The following ARL10 variants were observed in gnomAD, a reference collection of about 807,000 sequenced individuals.
ARL10 encodes the protein ARF like GTPase 10.
ARL10 carries 23 observed loss-of-function variants against 26.1 expected under a neutral mutation model. That is an observed-to-expected ratio of 0.88 (90% confidence interval 0.63 to 1.25). The LOEUF is 1.25. Among genes scored for constraint, ARL10 ranks in the 50% most tolerant of loss-of-function variants. The pLI is 0.00. For missense variants in ARL10, 300 were observed against 323.6 expected, an observed-to-expected ratio of 0.93 and a Z score of 0.56; for synonymous variants, 138 against 149.1, an observed-to-expected ratio of 0.93 and a Z score of 0.54.
the ARL10 span, among the ~76,000 whole-genome samples, chr5:176,412,141 A>C: frequency 6.9e-6 from 1 of 145,456 alleles, no homozygotes; most frequent in East Asian, 2.0e-4. Context: ...CCGCCACTGC[A>C]CTCCAGCCTG....
intron 1 of ARL10, chr5:176,386,998 A>AT: frequency 3.5e-6 from 4 of 1,137,050 alleles, no homozygotes; most frequent in Non-Finnish European, 4.0e-6. Flanking sequence ...CTACTAACCC[A>AT]TAAGAATCCC....
intron 2 of ARL10, among the ~76,000 whole-genome samples, chr5:176,367,153 G>A (rs1201120109): frequency 6.6e-6 from 1 of 151,776 alleles, no homozygotes; most frequent in African/African-American, 2.4e-5. Flanking sequence ...GATTACAGGC[G>A]CCCGCCACCA....
chr5:176,404,825 T>C (rs1757026013), downstream of ARL10, among the ~76,000 whole-genome samples: 1 of 152,180 alleles, frequency 6.6e-6, no homozygotes, highest in Admixed American at 6.5e-5. Context: ...GCACATGCTC[T>C]TCCCTTGGCC....
Position 176,373,196 on chromosome 5 carries a change from G to A in ARL10, c.*1301G>A, listed in dbSNP as rs746901210. The A allele has an allele frequency of 1.0e-5, 4 of 396,432 alleles. No homozygotes were observed. The highest frequency in any genetic ancestry group is 8.9e-6 in the Non-Finnish European group (2 of 225,218). The allele number at this position is 396,432 out of a possible 1,614,324, so 24.6% of individuals were successfully genotyped here. ...GACAGGAATAGCAGACCAGCCAACG[G>A]GATGGCCTTGGGTACATCACTCAGC... On this transcript the variant is annotated 3_prime_UTR_variant, in exon 4 of 4. Coordinates refer to ENST00000310389, the MANE Select transcript of ARL10 (RefSeq NM_173664.6).
At chr5:176,365,888 G>A (rs1041530641) in intron 1 of ARL10, 142 bp downstream of exon 1, 5 of 941,200 alleles carry the variant, frequency 5.3e-6, no homozygotes, top group Non-Finnish European at 6.9e-6. Flanking sequence ...GCAGCGCACA[G>A]GCCCCGCGCG....
At chr5:176,389,298 T>A (rs372552638), downstream of ARL10, 1 of 1,595,812 alleles carries the variant, frequency 6.3e-7, no homozygotes, top group African/African-American at 1.3e-5. Flanking sequence ...GGGCCCGACC[T>A]GCTGTTTCCC....
At chr5:176,410,011 C>T in the ARL10 span, among the ~76,000 whole-genome samples, 1 of 152,198 alleles carries the variant, frequency 6.6e-6, no homozygotes, top group Non-Finnish European at 1.5e-5. Flanking sequence ...CTCCCAAAAC[C>T]AGACATCACC....
At chr5:176,388,893 G>A (rs202183260), downstream of ARL10, 61 of 1,614,064 alleles carry the variant, frequency 3.8e-5, no homozygotes, top group Middle Eastern at 1.6e-4. Context: ...GAGGGGCTGA[G>A]CCCCACTGTT....
At position 176,371,965 on chromosome 5, in the gene ARL10, C is replaced by T; in HGVS notation, c.*70C>T. 1.9e-6 allele frequency: 3 copies of T among 1,550,490 alleles called. No individual in the cohort carries two copies. The South Asian group carries it at 3.6e-5, about 19-fold the overall frequency. ...GTACTGCTGCTGCTTCATTGCCAGA[C>T]TGGGCCTGGGGCAAGAGCCACATGG... On this transcript the variant is annotated 3_prime_UTR_variant, in exon 4 of 4. Coordinates refer to ENST00000310389, the MANE Select transcript of ARL10 (RefSeq NM_173664.6).
At chr5:176,399,082 G>C (rs1044592478) in intron 1 of ARL10, among the ~76,000 whole-genome samples, 1 of 152,090 alleles carries the variant, frequency 6.6e-6, no homozygotes, top group African/African-American at 2.4e-5. Flanking sequence ...GACCTCAGGT[G>C]ATCCACCGGC....
chr5:176,372,065 TC>T lies in ARL10; in HGVS notation c.*172del. 7.0e-7 allele frequency: 1 copy of T among 1,431,266 alleles called. No individual in the cohort carries two copies. Among genetic ancestry groups the T allele is most frequent in the Non-Finnish European group, 9.1e-7 (1 of 1,094,934 alleles). 88.7% of individuals were successfully genotyped at this position (1,431,266 alleles called of 1,614,324 possible). On this transcript the variant is annotated 3_prime_UTR_variant, in exon 4 of 4. Transcript: ENST00000310389. ...AAGGCCAAGAACCATGCAGAAGCCTTCCTGGTGAGGTGGCCGTGAAGCCGAA... is the reference window on the plus strand; with the variant it reads ...AAGGCCAAGAACCATGCAGAAGCCTTCTGGTGAGGTGGCCGTGAAGCCGAA...
chr5:176,406,678 T>C, downstream of ARL10: 1 of 1,288,590 alleles, frequency 7.8e-7, no homozygotes, highest in East Asian at 5.6e-5. Flanking sequence ...GGCAACTGGG[T>C]TTGTAGCTGG....
rs1214399081 is a variant in ARL10 at position 176,378,102 on chromosome 5, G to T, written c.*6207G>T. Reference sequence around the variant, plus strand: ...AACAATAGAAGTTTCAAGGGCTCAGGAAGGACCAGGGGGCCATCTAGGCTC... The same window carrying T: ...AACAATAGAAGTTTCAAGGGCTCAGTAAGGACCAGGGGGCCATCTAGGCTC... On this transcript the variant is annotated 3_prime_UTR_variant, in exon 4 of 4. Coordinates refer to ENST00000310389, the MANE Select transcript of ARL10 (RefSeq NM_173664.6). The T allele has an allele frequency of 6.6e-6, 1 of 152,246 alleles. No individual in the cohort carries two copies. The highest frequency in any genetic ancestry group is 1.5e-5 in the Non-Finnish European group (1 of 68,048). 9.4% of individuals were successfully genotyped at this position (152,246 alleles called of 1,614,324 possible).
intron 3 of ARL10, among the ~76,000 whole-genome samples, chr5:176,369,646 G>T (rs1056745651): frequency 2.6e-5 from 4 of 152,078 alleles, no homozygotes; most frequent in Non-Finnish European, 5.9e-5. Context: ...TCTTTCCAAG[G>T]TTGTACATCT....
rs1320264891 is a variant in ARL10, at chr5:176,375,365, A to G, written c.*3470A>G. On this transcript the variant is annotated 3_prime_UTR_variant, in exon 4 of 4. Transcript: ENST00000310389. ...CACCCATCCATCCATCCATCCATCC[A>G]TCTGTGGCTTCTACCTGTGCGAATC... is the stretch of plus-strand genomic sequence containing the variant. 6.8e-6 allele frequency: 1 copy of G among 147,172 alleles called. No individual in the cohort carries two copies. Among genetic ancestry groups the G allele is most frequent in the Non-Finnish European group, 1.5e-5 (1 of 66,882 alleles). 9.1% of individuals were successfully genotyped at this position (147,172 alleles called of 1,614,324 possible).
At chr5:176,384,340 T>C (rs1480617288), downstream of ARL10, 1 of 1,614,168 alleles carries the variant, frequency 6.2e-7, no homozygotes, top group Admixed American at 1.7e-5. Flanking sequence ...TTTTGGGGTA[T>C]CTTGATAGTA....
At chr5:176,406,410 G>C, downstream of ARL10, 2 of 1,162,670 alleles carry the variant, frequency 1.7e-6, no homozygotes, top group Non-Finnish European at 2.2e-6. Context: ...CACCAGCCAA[G>C]CGTGTGCTGC....
In ARL10 at chr5:176,366,420, T is replaced by C; in HGVS notation, c.224T>C (p.Leu75Pro). ...EEDEEPALEE[L>P]EQREVLVLGL... The stretch of plus-strand genomic sequence containing the variant: ...GACGAGGAGCCGGCGCTGGAGGAGC[T>C]GGAACAGCGCGAGGTGCTGGTGCTG... Residue 75 changes from leucine to proline, a missense_variant, in exon 2 of 4, where the codon CTG (leucine) becomes CCG (proline). By Grantham distance (98) the Leu-to-Pro change is moderately conservative (BLOSUM62 -3). Coordinates refer to ENST00000310389, the MANE Select transcript of ARL10 (RefSeq NM_173664.6). 1 of 1,612,456 alleles carries C rather than the reference T, an allele frequency of 6.2e-7. No individual in the cohort carries two copies. Among genetic ancestry groups the C allele is most frequent in the South Asian group, 1.1e-5 (1 of 90,964 alleles).
chr5:176,412,929 T>A, the ARL10 span, among the ~76,000 whole-genome samples: 9 of 152,084 alleles, frequency 5.9e-5, no homozygotes, highest in African/African-American at 2.2e-4. Context: ...GTCTGTACAT[T>A]TGGCCTTCTC....
Sources: allele counts gnomAD v4.1 joint callset (sites outside exome capture counted in the v4.1 genomes callset), GRCh38; gene constraint gnomAD v4.1.1; transcripts MANE v1.5; gene names NCBI Gene and HGNC (gene_info 2026-07-23, HGNC 2026-07-21).